CARMIL1: variants seen among roughly 807,000 people sequenced by gnomAD.
The protein encoded by CARMIL1 is capping protein regulator and myosin 1 linker 1, also known as F-actin-uncapping protein LRRC16A.
Under a neutral mutation model 177.1 loss-of-function variants are expected in CARMIL1, and 90 were observed. The ratio of observed to expected loss-of-function variants is 0.51; its 90% CI spans 0.43 to 0.61. The LOEUF (loss-of-function observed/expected upper bound fraction) is 0.61. Ranked by LOEUF, CARMIL1 falls within the 20% of genes least tolerant of loss-of-function variation. The pLI is 0.00. For synonymous variants in CARMIL1, 577 were observed against 606.2 expected (o/e 0.95, Z 0.71); for missense variants, 1,380 against 1,667.0 (o/e 0.83, Z 3.00).
intron 8 of CARMIL1, among the ~76,000 whole-genome samples, chr6:25,459,202 T>TC (rs1799788828): frequency 8.4e-6 from 1 of 119,708 alleles, no homozygotes; most frequent in South Asian, 3.1e-4. Flanking sequence ...GAAATAAGGA[T>TC]CCCAACTTTT....
At chr6:25,340,777 G>GGTTTTTT (rs1786822392) in intron 2 of CARMIL1, among the ~76,000 whole-genome samples, 1 of 86,136 alleles carries the variant, frequency 1.2e-5, no homozygotes, top group South Asian at 6.8e-4. Context: ...GTCAATGAAG[G>GGTTTTTT]TTTTTTTTTT....
At chr6:25,435,340 A>T in intron 4 of CARMIL1, 143 bp from the exon 5 acceptor site, 1 of 836,130 alleles carries the variant, frequency 1.2e-6, no homozygotes, top group Non-Finnish European at 1.7e-6. Context: ...GAGATGTGCT[A>T]CCCTCGAACC....
chr6:25,468,154 A>G (rs1800783117), intron 9 of CARMIL1, among the ~76,000 whole-genome samples: 1 of 152,094 alleles, frequency 6.6e-6, no homozygotes, highest in African/African-American at 2.4e-5. Context: ...TGTTGATCTT[A>G]TGAAGCAAAT....
intron 11 of CARMIL1, among the ~76,000 whole-genome samples, chr6:25,478,811 G>A (rs956478492): frequency 1.3e-5 from 2 of 150,396 alleles, no homozygotes; most frequent in Non-Finnish European, 3.0e-5. Context: ...AAAAAAAAAA[G>A]GGCATAGATT....
chr6:25,313,760 G>A (rs1346175351), intron 2 of CARMIL1, among the ~76,000 whole-genome samples: 2 of 150,274 alleles, frequency 1.3e-5, no homozygotes, highest in Non-Finnish European at 2.9e-5. Context: ...CCAAATAAAT[G>A]CGTTTTAGAG....
In CARMIL1 at chr6:25,488,589, A is replaced by G; in HGVS notation, c.1065+4A>G. The G allele has an allele frequency of 6.2e-7, 1 of 1,606,250 alleles. No individual in the cohort carries two copies. The highest frequency in any genetic ancestry group is 1.3e-5 in the African/African-American group (1 of 74,868). On this transcript the variant is annotated splice_donor_region_variant and intron_variant, in intron 13 of 36. Transcript: ENST00000329474. ...CCTTCGTGGAGATGACCTCTCAGTA[A>G]GTTTTCTTTTCTTTATTCCATCTTC...
intron 2 of CARMIL1, among the ~76,000 whole-genome samples, chr6:25,397,244 A>G (rs9467487): frequency 0.42 from 63,714 of 151,962 alleles, 13,560 homozygotes; most frequent in Middle Eastern, 0.58. Context: ...TATTTCCCCA[A>G]CTCCACAAAA....
At chr6:25,594,646 G>A (rs1403924857) in intron 32 of CARMIL1, 119 bp downstream of exon 32, 3 of 633,236 alleles carry the variant, frequency 4.7e-6, no homozygotes, top group Non-Finnish European at 8.1e-6. Context: ...TATTCTGACA[G>A]CTTGCAAAAT....
chr6:25,522,950 A>T (rs1317342789), intron 23 of CARMIL1, among the ~76,000 whole-genome samples: 3 of 152,068 alleles, frequency 2.0e-5, no homozygotes, highest in Non-Finnish European at 4.4e-5. Context: ...AGCGTATGCC[A>T]CTGTGCCCAG....
At chr6:25,521,401 A>C (rs945185268) in intron 23 of CARMIL1, among the ~76,000 whole-genome samples, 1 of 152,210 alleles carries the variant, frequency 6.6e-6, no homozygotes, top group Non-Finnish European at 1.5e-5. Flanking sequence ...TGTTAGAACT[A>C]TAGTACACAA....
chr6:25,441,331 A>G (rs1303017716), intron 5 of CARMIL1, among the ~76,000 whole-genome samples: 115 of 43,220 alleles, frequency 2.7e-3, no homozygotes, highest in African/African-American at 0.011. Flanking sequence ...ATATATATAT[A>G]TATATATGTG....
chr6:25,480,974 C>A (rs974429598), intron 11 of CARMIL1, among the ~76,000 whole-genome samples: 12 of 151,972 alleles, frequency 7.9e-5, no homozygotes, highest in Admixed American at 1.3e-4. Context: ...CCCTCCTCGG[C>A]CTCCCAAAGT....
At chr6:25,484,094 C>G (rs1041683964) in intron 12 of CARMIL1, among the ~76,000 whole-genome samples, 8 of 152,198 alleles carry the variant, frequency 5.3e-5, no homozygotes, top group African/African-American at 1.9e-4. Context: ...TGTTCTCAGA[C>G]AACCCCCTCT....
At chr6:25,280,989 TAACTC>T (rs978183242) in intron 1 of CARMIL1, among the ~76,000 whole-genome samples, 33 of 152,258 alleles carry the variant, frequency 2.2e-4, no homozygotes, top group African/African-American at 7.2e-4. Flanking sequence ...TGGTGACTGT[TAACTC>T]AGCAGGTAAA....
chr6:25,303,806 A>G (rs572501413), intron 2 of CARMIL1, among the ~76,000 whole-genome samples: 80 of 152,378 alleles, frequency 5.3e-4, no homozygotes, highest in African/African-American at 1.8e-3. Flanking sequence ...CCATTTAACA[A>G]TCATTCAGCA....
At chr6:25,508,429 G>A (rs892894517) in intron 17 of CARMIL1, among the ~76,000 whole-genome samples, 1 of 152,162 alleles carries the variant, frequency 6.6e-6, no homozygotes, top group African/African-American at 2.4e-5. Flanking sequence ...AGATGCGGTG[G>A]CACATGCCTG....
Position 25,450,754 on chromosome 6 carries a change from T to C in CARMIL1, c.614+43T>C, listed in dbSNP as rs1228520397. ...TTCTTTCCTCCTTTCCTCCCTCCCT[T>C]CCTCCCTCCCTTCCTCCCTCCCCTC... On this transcript the variant is annotated intron_variant, in intron 8 of 36. Coordinates refer to ENST00000329474, the MANE Select transcript of CARMIL1 (RefSeq NM_017640.6). 3 of 493,918 alleles carry C rather than the reference T, an allele frequency of 6.1e-6. 1 individual carries two copies. The highest frequency in any genetic ancestry group is 5.1e-5 in the African/African-American group (1 of 19,742). The allele number at this position is 493,918 out of a possible 1,614,324, so 30.6% of individuals were successfully genotyped here.
At chr6:25,534,653 G>A (rs1363434859) in intron 24 of CARMIL1, among the ~76,000 whole-genome samples, 3 of 152,074 alleles carry the variant, frequency 2.0e-5, no homozygotes, top group Non-Finnish European at 2.9e-5. Context: ...AGGCACTATC[G>A]TAAGAAACAG....
chr6:25,536,466 GATA>G (rs1808314264), intron 24 of CARMIL1, among the ~76,000 whole-genome samples: 1 of 152,054 alleles, frequency 6.6e-6, no homozygotes, highest in African/African-American at 2.4e-5. Context: ...GGGATCTCAA[GATA>G]ATAACGTATG....
Sources: gnomAD v4.1 joint callset for allele counts (sites outside exome capture counted in the v4.1 genomes callset) on GRCh38, gnomAD v4.1.1 for gene constraint, MANE v1.5 for transcripts, NCBI Gene and HGNC (gene_info 2026-07-23, HGNC 2026-07-21) for gene names.